The following PAPSS1 variants were observed in gnomAD, a reference collection of about 807,000 sequenced individuals.
The protein encoded by PAPSS1 is bifunctional 3'-phosphoadenosine 5'-phosphosulfate synthase 1.
Under a neutral mutation model 72.0 loss-of-function variants are expected in PAPSS1, and 50 were observed. That is an observed-to-expected ratio of 0.69 (90% confidence interval 0.55 to 0.88). The LOEUF is 0.88. Among genes scored for constraint, PAPSS1 ranks in the 40% least tolerant of loss-of-function variants. PAPSS1 has a pLI of 0.00. For missense variants in PAPSS1, 657 were observed against 782.2 expected (o/e 0.84, Z 1.91); for synonymous variants, 261 against 263.6 (o/e 0.99, Z 0.09).
At chr4:107,643,172 T>C (rs1277956412) in intron 10 of PAPSS1, among the ~76,000 whole-genome samples, 1 of 152,126 alleles carries the variant, frequency 6.6e-6, no homozygotes, top group African/African-American at 2.4e-5. Flanking sequence ...CGAAAGAGTA[T>C]ATGCGGTATG....
intron 1 of PAPSS1, among the ~76,000 whole-genome samples, chr4:107,715,080 A>G (rs1349945613): frequency 4.6e-5 from 7 of 152,220 alleles, no homozygotes; most frequent in South Asian, 2.1e-4. Context: ...GCAATGTCCA[A>G]TAGAGCTTCC....
intron 5 of PAPSS1, among the ~76,000 whole-genome samples, chr4:107,675,992 C>T (rs55796012): frequency 0.24 from 36,612 of 152,082 alleles, 5,003 homozygotes; most frequent in Middle Eastern, 0.34. Context: ...CAATGCGTCA[C>T]GCTAAAACTC....
At chr4:107,703,850 T>C (rs1723270034) in intron 1 of PAPSS1, among the ~76,000 whole-genome samples, 1 of 152,224 alleles carries the variant, frequency 6.6e-6, no homozygotes, top group Non-Finnish European at 1.5e-5. Context: ...TGTGGTTCCA[T>C]ACAAATTTTA....
rs139412714 is a variant in PAPSS1 at position 107,672,343 on chromosome 4, C to G, written c.669+9672G>C. ...CAAAGAAAGGGGTGACACACGGCAC[C>G]TGGAAAATCAGGTCACTCCCACCCT... is the stretch of plus-strand genomic sequence containing the variant. On this transcript the variant is annotated intron_variant, in intron 5 of 11. Transcript: ENST00000265174. Among the ~76,000 whole-genome samples the G allele has an allele frequency of 5.2e-3, 795 of 152,322 alleles. 7 individuals carry two copies. Among genetic ancestry groups the G allele is most frequent in the African/African-American group, 0.019 (773 of 41,564 alleles).
At chr4:107,705,868 C>G (rs1414579224) in intron 1 of PAPSS1, among the ~76,000 whole-genome samples, 1 of 152,156 alleles carries the variant, frequency 6.6e-6, no homozygotes, top group African/African-American at 2.4e-5. Context: ...GTGATGAACT[C>G]CCTTAGCTTT....
chr4:107,720,036 G>GGCGGGAGAGAGGCGGCGGCT, intron 1 of PAPSS1, 84 bp downstream of exon 1: 1 of 1,569,826 alleles, frequency 6.4e-7, no homozygotes, highest in Non-Finnish European at 8.6e-7. Flanking sequence ...ATGCGGAGGA[G>GGCGGGAGAGAGGCGGCGGCT]GCGGGAGAGA....
At chr4:107,635,790 A>C (rs900180036) in intron 10 of PAPSS1, among the ~76,000 whole-genome samples, 1 of 152,246 alleles carries the variant, frequency 6.6e-6, no homozygotes, top group African/African-American at 2.4e-5. Flanking sequence ...GAAACTAAAA[A>C]ATTATGTAAT....
At chr4:107,636,575 C>T (rs906826586) in intron 10 of PAPSS1, among the ~76,000 whole-genome samples, 5 of 152,154 alleles carry the variant, frequency 3.3e-5, no homozygotes, top group East Asian at 1.9e-4. Context: ...GGGGGTAACA[C>T]TCTGGAGTGT....
chr4:107,630,223 T>A (rs988438406), intron 11 of PAPSS1, among the ~76,000 whole-genome samples: 1 of 152,180 alleles, frequency 6.6e-6, no homozygotes, highest in African/African-American at 2.4e-5. Context: ...AGAAATAAAG[T>A]TTACATTTTT....
intron 7 of PAPSS1, 73 bp from the exon 8 acceptor site, chr4:107,654,973 A>C: frequency 9.9e-7 from 1 of 1,009,440 alleles, no homozygotes; most frequent in Non-Finnish European, 1.5e-6. Flanking sequence ...CCCACCTTTC[A>C]CTTCAGGGGA....
chr4:107,703,138 A>G (rs1045692067), intron 1 of PAPSS1, among the ~76,000 whole-genome samples: 13 of 152,014 alleles, frequency 8.6e-5, no homozygotes, highest in African/African-American at 3.1e-4. Flanking sequence ...TTTTTCATAT[A>G]CCTGTTGGCT....
chr4:107,678,242 A>AAATT (rs759484351), intron 5 of PAPSS1, among the ~76,000 whole-genome samples: 3 of 37,338 alleles, frequency 8.0e-5, no homozygotes, highest in Non-Finnish European at 3.3e-4. Flanking sequence ...AAAAATAAAA[A>AAATT]AAATAAGAGA....
chr4:107,654,540 G>A (rs1011440360), intron 8 of PAPSS1, among the ~76,000 whole-genome samples, 155 bp downstream of exon 8: 1 of 152,112 alleles, frequency 6.6e-6, no homozygotes, highest in African/African-American at 2.4e-5. Flanking sequence ...AAAATGACAA[G>A]AGCATAAACA....
At chr4:107,630,930 C>T (rs1445700171) in intron 11 of PAPSS1, among the ~76,000 whole-genome samples, 1 of 152,174 alleles carries the variant, frequency 6.6e-6, no homozygotes, top group Admixed American at 6.5e-5. Flanking sequence ...AATTTTTGAG[C>T]ACCAACATGA....
chr4:107,699,824 T>C (rs553488936), intron 2 of PAPSS1, among the ~76,000 whole-genome samples: 3 of 152,298 alleles, frequency 2.0e-5, no homozygotes, highest in Admixed American at 6.5e-5. Context: ...CCCAGCCAAG[T>C]TGGCATAAAA....
intron 1 of PAPSS1, chr4:107,719,894 G>T: frequency 7.4e-7 from 1 of 1,356,302 alleles, no homozygotes; most frequent in Non-Finnish European, 9.4e-7. Context: ...ACGGTGGCTC[G>T]GACCGCACGC....
At chr4:107,634,213 G>C (rs1726299049) in intron 10 of PAPSS1, among the ~76,000 whole-genome samples, 1 of 151,656 alleles carries the variant, frequency 6.6e-6, no homozygotes, top group Non-Finnish European at 1.5e-5. Context: ...ACAAGGTCTT[G>C]CCATGTTCCC....
intron 5 of PAPSS1, among the ~76,000 whole-genome samples, chr4:107,672,477 A>G (rs1005028178): frequency 6.6e-6 from 1 of 152,160 alleles, no homozygotes; most frequent in African/African-American, 2.4e-5. Flanking sequence ...TTGCTAGCAC[A>G]GCAGTCTGAG....
At chr4:107,640,357 C>T (rs1726503437) in intron 10 of PAPSS1, among the ~76,000 whole-genome samples, 1 of 152,122 alleles carries the variant, frequency 6.6e-6, no homozygotes. Context: ...CTGTTGATAA[C>T]CAAATAGGCT....
Sources: allele counts gnomAD v4.1 joint callset (sites outside exome capture counted in the v4.1 genomes callset), GRCh38; gene constraint gnomAD v4.1.1; transcripts MANE v1.5; gene names NCBI Gene and HGNC (gene_info 2026-07-23, HGNC 2026-07-21).